Variants in ALPK1 observed in about 807,000 individuals in gnomAD.
ALPK1 encodes the protein alpha-protein kinase 1.
In ALPK1, 110 loss-of-function variants were observed where a neutral mutation model predicts 120.6. The observed-to-expected ratio is 0.91, with a 90% CI of 0.78 to 1.07. The LOEUF (loss-of-function observed/expected upper bound fraction) is 1.07. ALPK1 is among the 50% of genes least tolerant of loss of function. ALPK1 has a pLI of 0.00. For missense variants in ALPK1, 1,498 were observed against 1,483.9 expected (o/e 1.01, Z -0.16); for synonymous variants, 582 against 560.3 (o/e 1.04, Z -0.55).
chr4:112,363,913 A>G (rs916417517), intron 2 of ALPK1, among the ~76,000 whole-genome samples: 1 of 152,208 alleles, frequency 6.6e-6, no homozygotes, highest in Non-Finnish European at 1.5e-5. Context: ...AGGAACCATC[A>G]AGACCATGCA....
At chr4:112,434,992 T>C (rs1001196825) in intron 11 of ALPK1, among the ~76,000 whole-genome samples, 156 bp from the exon 12 acceptor site, 4 of 152,246 alleles carry the variant, frequency 2.6e-5, no homozygotes, top group African/African-American at 9.6e-5. Context: ...TTTTTAATAC[T>C]GTAGTTGTCA....
intron 2 of ALPK1, among the ~76,000 whole-genome samples, chr4:112,329,380 C>T (rs1223475741): frequency 1.3e-5 from 2 of 152,164 alleles, no homozygotes; most frequent in African/African-American, 4.8e-5. Flanking sequence ...TTCACTGTTA[C>T]CAGTGAAGAA....
intron 1 of ALPK1, among the ~76,000 whole-genome samples, chr4:112,297,955 CACGAGACTT>C (rs1328775067): frequency 6.6e-6 from 1 of 152,118 alleles, no homozygotes; most frequent in Non-Finnish European, 1.5e-5. Context: ...GTAGATAAGG[CACGAGACTT>C]ACTCGTCTCA....
intron 2 of ALPK1, chr4:112,359,691 C>T (rs555133301): frequency 4.2e-6 from 1 of 238,294 alleles, no homozygotes; most frequent in Admixed American, 5.2e-5. Context: ...GGCTGCAGGG[C>T]GAAGCCAGTC....
At chr4:112,419,945 G>A (rs1453813662) in intron 5 of ALPK1, among the ~76,000 whole-genome samples, 21 of 152,216 alleles carry the variant, frequency 1.4e-4, no homozygotes, top group Non-Finnish European at 1.3e-4. Flanking sequence ...ATAAACGGTA[G>A]CTCTTATTGT....
chr4:112,377,147 T>C (rs1252953247), intron 2 of ALPK1, among the ~76,000 whole-genome samples: 2 of 152,308 alleles, frequency 1.3e-5, no homozygotes, highest in East Asian at 3.9e-4. Flanking sequence ...CTATTTTACT[T>C]GGTAATGTTC....
intron 2 of ALPK1, chr4:112,356,210 A>G: frequency 2.5e-6 from 4 of 1,600,426 alleles, no homozygotes; most frequent in Non-Finnish European, 3.4e-6. Flanking sequence ...GGAGTACATG[A>G]CCAAGGTCCT....
intron 4 of ALPK1, chr4:112,382,858 T>C (rs1315499671): frequency 3.3e-6 from 1 of 303,390 alleles, no homozygotes; most frequent in Non-Finnish European, 6.2e-6. Context: ...ATTTCACCAT[T>C]CCTCACAGCA....
intron 6 of ALPK1, chr4:112,425,038 C>G (rs1332419170): frequency 6.6e-6 from 1 of 152,376 alleles, no homozygotes; most frequent in East Asian, 1.9e-4. Flanking sequence ...GCCCCACACC[C>G]CAATCACAGT....
intron 4 of ALPK1, among the ~76,000 whole-genome samples, chr4:112,408,403 C>T (rs34554041): frequency 1.3e-4 from 20 of 152,182 alleles, no homozygotes; most frequent in Non-Finnish European, 1.9e-4. Context: ...TTAGACACAG[C>T]TGGCCACATA....
intron 7 of ALPK1, chr4:112,426,002 CA>C (rs1734218376): frequency 3.1e-6 from 1 of 324,354 alleles, no homozygotes; most frequent in African/African-American, 2.1e-5. Context: ...GTAGGGTTCC[CA>C]GTGTTATTTC....
Position 112,441,409 on chromosome 4 carries a change from G to A in ALPK1, c.*199G>A. On this transcript the variant is annotated 3_prime_UTR_variant, in exon 16 of 16. Coordinates refer to ENST00000650871, the MANE Select transcript of ALPK1 (RefSeq NM_025144.4). ...ACCGCTGCTTCTGGGCATAAGTCCT[G>A]CAAGGAAAGCAACATGGAAAACAGC... 1 of 626,812 alleles carries A rather than the reference G, an allele frequency of 1.6e-6. No homozygotes were observed. The highest frequency in any genetic ancestry group is 2.7e-5 in the Admixed American group (1 of 36,862). 38.8% of individuals were successfully genotyped at this position (626,812 alleles called of 1,614,324 possible).
At position 112,360,375 on chromosome 4, in the gene ALPK1, C is replaced by T. The variant is rs192887960; in HGVS notation, c.-100-17303C>T. On this transcript the variant is annotated intron_variant, in intron 2 of 15. Coordinates refer to ENST00000650871, the MANE Select transcript of ALPK1 (RefSeq NM_025144.4). ...CATATCGTGGCTATTGTGAATAATGCGGCCATGAATATGGAAGTGCAGAAA... is the reference window on the plus strand; with the variant it reads ...CATATCGTGGCTATTGTGAATAATGTGGCCATGAATATGGAAGTGCAGAAA... Among the ~76,000 whole-genome samples the T allele has an allele frequency of 1.2e-4, 18 of 152,162 alleles. No homozygotes were observed. In the East Asian group the frequency reaches 3.3e-3, roughly 28 times the overall value.
At chr4:112,416,401 T>TA (rs1244555668) in intron 5 of ALPK1, among the ~76,000 whole-genome samples, 3 of 151,762 alleles carry the variant, frequency 2.0e-5, no homozygotes, top group Non-Finnish European at 2.9e-5. Context: ...AAACTGTATT[T>TA]AAAAAAAATG....
At chr4:112,359,190 C>A in intron 2 of ALPK1, 1 of 612,434 alleles carries the variant, frequency 1.6e-6, no homozygotes. Flanking sequence ...CAGGCCACCC[C>A]CCACAGGAGA....
chr4:112,362,482 C>G (rs1033245366), intron 2 of ALPK1, among the ~76,000 whole-genome samples: 1 of 152,066 alleles, frequency 6.6e-6, no homozygotes, highest in African/African-American at 2.4e-5. Flanking sequence ...GTAGAAGAAA[C>G]AGCTTCAGAG....
In ALPK1 at chr4:112,431,708, T is replaced by G. The variant is rs1335368275; in HGVS notation, c.2161T>G (p.Ser721Ala). The change falls in exon 11 of 16, where the codon TCT becomes GCT. Residue 721 changes from serine (S) to alanine (A), a missense_variant. By Grantham distance (99) the Ser-to-Ala change is moderately conservative. Transcript: ENST00000650871. ...CTCCAGACCCTCATATCGTTCTGCT[T>G]CTTGGTCTTCTGATTCTGGTAGGCC... ...AHSRPSYRSASWSSDSGRPKN... is the reference protein window; with the variant it reads ...AHSRPSYRSAAWSSDSGRPKN... 1.2e-6 allele frequency: 2 copies of G among 1,614,228 alleles called. No homozygotes were observed. The highest frequency in any genetic ancestry group is 1.1e-5 in the South Asian group (1 of 91,082).
chr4:112,353,864 G>A (rs1391161715), intron 2 of ALPK1, among the ~76,000 whole-genome samples: 1 of 144,208 alleles, frequency 6.9e-6, no homozygotes, highest in Non-Finnish European at 1.5e-5. Flanking sequence ...GTGAGACTCT[G>A]TCTCAAATAA....
intron 2 of ALPK1, among the ~76,000 whole-genome samples, chr4:112,317,112 A>T (rs1240193128): frequency 1.3e-5 from 2 of 152,060 alleles, no homozygotes; most frequent in Admixed American, 6.6e-5. Flanking sequence ...GTTGAGTTAC[A>T]GTTGTTCTTT....
Sources: allele counts gnomAD v4.1 joint callset (sites outside exome capture counted in the v4.1 genomes callset), GRCh38; gene constraint gnomAD v4.1.1; transcripts MANE v1.5; gene names NCBI Gene and HGNC (gene_info 2026-07-23, HGNC 2026-07-21).